The following PTPRG variants were observed in gnomAD, a reference collection of about 807,000 sequenced individuals.
PTPRG encodes protein tyrosine phosphatase receptor type G.
In PTPRG, 102 loss-of-function variants were observed where a neutral mutation model predicts 165.3. The observed-to-expected ratio is 0.62, with a 90% CI of 0.53 to 0.73. PTPRG has a LOEUF of 0.73. PTPRG is among the 30% of genes least tolerant of loss of function. The pLI, the probability that PTPRG is intolerant of heterozygous loss-of-function variation, is 0.00. For missense variants in PTPRG, 1,866 were observed against 1,861.4 expected (o/e 1.00, Z -0.05); for synonymous variants, 675 against 669.5 (o/e 1.01, Z -0.13).
At chr3:61,692,909 T>G (rs149244545) in intron 1 of PTPRG, among the ~76,000 whole-genome samples, 1 of 152,306 alleles carries the variant, frequency 6.6e-6, no homozygotes, top group East Asian at 1.9e-4. Flanking sequence ...ATGACAAAAG[T>G]TGGCTACTTC....
intron 1 of PTPRG, among the ~76,000 whole-genome samples, chr3:61,631,059 AAAAAG>A (rs1701762115): frequency 6.6e-6 from 1 of 152,158 alleles, no homozygotes; most frequent in Non-Finnish European, 1.5e-5. Flanking sequence ...CTGTCTCAAA[AAAAAG>A]AAAAAAGAAA....
At chr3:61,764,713 T>G (rs755104815) in intron 2 of PTPRG, among the ~76,000 whole-genome samples, 4 of 152,216 alleles carry the variant, frequency 2.6e-5, no homozygotes, top group Non-Finnish European at 4.4e-5. Context: ...TGTTATACCT[T>G]AAACTACTCT....
chr3:62,220,634 G>T (rs1700629237), intron 13 of PTPRG, among the ~76,000 whole-genome samples: 1 of 152,124 alleles, frequency 6.6e-6, no homozygotes, highest in South Asian at 2.1e-4. Flanking sequence ...GAAGTATGTT[G>T]TATTTTGGGG....
chr3:62,034,593 G>T (rs1699883251), intron 4 of PTPRG, among the ~76,000 whole-genome samples: 1 of 152,174 alleles, frequency 6.6e-6, no homozygotes, highest in African/African-American at 2.4e-5. Flanking sequence ...ACACTTAGAG[G>T]TAGATATCCA....
intron 6 of PTPRG, among the ~76,000 whole-genome samples, chr3:62,134,969 T>C (rs1017181006): frequency 6.6e-6 from 1 of 152,136 alleles, no homozygotes; most frequent in Non-Finnish European, 1.5e-5. Context: ...GAAATAGTTT[T>C]TTAAAAAAAA....
intron 6 of PTPRG, among the ~76,000 whole-genome samples, chr3:62,137,965 A>G (rs561861979): frequency 8.1e-4 from 123 of 152,302 alleles, no homozygotes; most frequent in Non-Finnish European, 1.1e-3. Flanking sequence ...AACTTCTCAT[A>G]TAGTTGTAAG....
intron 2 of PTPRG, among the ~76,000 whole-genome samples, chr3:61,886,320 A>G (rs530148832): frequency 1.3e-5 from 2 of 152,264 alleles, no homozygotes; most frequent in South Asian, 4.1e-4. Context: ...GAGGAGACAC[A>G]CAAAAGTAAA....
intron 1 of PTPRG, among the ~76,000 whole-genome samples, chr3:61,646,854 A>T (rs989564488): frequency 1.3e-5 from 2 of 151,892 alleles, no homozygotes; most frequent in Non-Finnish European, 2.9e-5. Context: ...CGAGAATGTC[A>T]TTATATAAAG....
chr3:61,582,129 G>A (rs1298999601), intron 1 of PTPRG, among the ~76,000 whole-genome samples: 3 of 151,552 alleles, frequency 2.0e-5, no homozygotes, highest in Non-Finnish European at 4.4e-5. Flanking sequence ...CACCATGCCC[G>A]GCTGATTTCT....
intron 2 of PTPRG, among the ~76,000 whole-genome samples, chr3:61,935,173 G>A (rs2039454474): frequency 6.6e-6 from 1 of 152,092 alleles, no homozygotes; most frequent in African/African-American, 2.4e-5. Flanking sequence ...TAACTGTTGT[G>A]CATTTTCATA....
At chr3:61,754,862 G>T (rs923060560) in intron 2 of PTPRG, among the ~76,000 whole-genome samples, 1 of 152,210 alleles carries the variant, frequency 6.6e-6, no homozygotes, top group Non-Finnish European at 1.5e-5. Flanking sequence ...GGAAGGCACT[G>T]TAGGACCTCA....
At position 61,897,178 on chromosome 3, in the gene PTPRG, G is replaced by A. The variant is rs114463118; in HGVS notation, c.191-92447G>A. On this transcript the variant is annotated intron_variant, in intron 2 of 29. Coordinates refer to ENST00000474889, the MANE Select transcript of PTPRG (RefSeq NM_002841.4). Reference sequence around the variant, plus strand: ...CTAAGAATGTAGGGCTTAGCCCTACGTTACCAAGATTCTCTCCTATGTTTT... The same window carrying A: ...CTAAGAATGTAGGGCTTAGCCCTACATTACCAAGATTCTCTCCTATGTTTT... Among the ~76,000 whole-genome samples the A allele has an allele frequency of 7.6e-3, 1,151 of 152,006 alleles. 11 individuals are homozygous for A. Among genetic ancestry groups the A allele is most frequent in the African/African-American group, 0.025 (1,057 of 41,490 alleles).
chr3:61,982,820 G>A (rs1237416398), intron 2 of PTPRG, among the ~76,000 whole-genome samples: 3 of 152,106 alleles, frequency 2.0e-5, no homozygotes, highest in African/African-American at 7.2e-5. Context: ...TCCTAAAATA[G>A]ACACCCTGGG....
intron 1 of PTPRG, chr3:61,659,406 T>C: frequency 1.0e-6 from 1 of 985,354 alleles, no homozygotes; most frequent in Non-Finnish European, 1.2e-6. Context: ...GATAGTTTGA[T>C]GAGGCTGTGT....
chr3:62,148,536 G>A (rs1704205750), intron 6 of PTPRG, among the ~76,000 whole-genome samples: 1 of 152,150 alleles, frequency 6.6e-6, no homozygotes, highest in Non-Finnish European at 1.5e-5. Context: ...GAGGCAGACA[G>A]ATTGCCTGAG....
intron 5 of PTPRG, among the ~76,000 whole-genome samples, chr3:62,107,713 C>T (rs559254578): frequency 3.9e-5 from 6 of 152,192 alleles, no homozygotes; most frequent in East Asian, 1.9e-4. Context: ...ACCAGAGTCA[C>T]GGTCAAAGAT....
chr3:62,156,208 G>A (rs574424642), intron 6 of PTPRG, among the ~76,000 whole-genome samples: 1 of 152,220 alleles, frequency 6.6e-6, no homozygotes, highest in East Asian at 1.9e-4. Context: ...CCCCACCCTT[G>A]CATTTTCACC....
At chr3:61,614,588 T>C (rs1701256687) in intron 1 of PTPRG, among the ~76,000 whole-genome samples, 1 of 152,044 alleles carries the variant, frequency 6.6e-6, no homozygotes, top group African/African-American at 2.4e-5. Flanking sequence ...TTTTTTGGTG[T>C]ATTTTATGAG....
At chr3:61,618,004 T>C (rs1701344447) in intron 1 of PTPRG, among the ~76,000 whole-genome samples, 1 of 152,208 alleles carries the variant, frequency 6.6e-6, no homozygotes, top group Non-Finnish European at 1.5e-5. Context: ...GCAGGTACAC[T>C]ATATAACTAA....
Sources: allele counts gnomAD v4.1 joint callset (sites outside exome capture counted in the v4.1 genomes callset), GRCh38; gene constraint gnomAD v4.1.1; transcripts MANE v1.5; gene names NCBI Gene and HGNC (gene_info 2026-07-23, HGNC 2026-07-21).